Variants in ATXN2 observed in about 807,000 individuals in gnomAD.
ATXN2 encodes the protein ataxin 2.
Under a neutral mutation model 138.6 loss-of-function variants are expected in ATXN2, and 37 were observed. The observed-to-expected ratio is 0.27, with a 90% confidence interval of 0.21 to 0.35. The LOEUF is 0.35. Ranked by LOEUF, ATXN2 falls within the 10% of genes least tolerant of loss-of-function variation. ATXN2 has a pLI of 1.00. For missense variants in ATXN2, 1,216 were observed against 1,480.3 expected (o/e 0.82, Z 2.93); for synonymous variants, 549 against 543.7 (o/e 1.01, Z -0.13).
intron 8 of ATXN2, 76 bp downstream of exon 8, chr12:111,519,803 A>G (rs1376411247): frequency 1.9e-6 from 3 of 1,600,666 alleles, no homozygotes; most frequent in African/African-American, 2.7e-5. Flanking sequence ...AAGAGGAAAT[A>G]TAATAACAAT....
chr12:111,588,245 A>C (rs1038662164), intron 1 of ATXN2, among the ~76,000 whole-genome samples: 2 of 151,694 alleles, frequency 1.3e-5, no homozygotes, highest in African/African-American at 4.9e-5. Flanking sequence ...TTGTAAAGTC[A>C]CTTGACACAA....
intron 18 of ATXN2, among the ~76,000 whole-genome samples, chr12:111,476,461 A>C (rs577750883): frequency 1.1e-3 from 165 of 143,914 alleles, no homozygotes; most frequent in Non-Finnish European, 2.1e-3. Context: ...ACAATAAGAC[A>C]AAAAAAAAAA....
Position 111,495,178 on chromosome 12 carries a change from G to A in ATXN2, c.1936-6398C>T, listed in dbSNP as rs532003273. On this transcript the variant is annotated intron_variant, in intron 14 of 24. Transcript: ENST00000673436. ...AAAAATTTAGCTGGGCTTGGTGGCA[G>A]GCGCCTGTAATCCCAGCTACTTGGG... Among the ~76,000 whole-genome samples the A allele has an allele frequency of 2.8e-3, 420 of 151,974 alleles. 4 individuals are homozygous for A. Among genetic ancestry groups the A allele is most frequent in the African/African-American group, 9.6e-3 (397 of 41,480 alleles).
rs987712856 is a variant in ATXN2 at position 111,467,134 on chromosome 12, T to G, written c.2843-2419A>C. Among the ~76,000 whole-genome samples the G allele has an allele frequency of 2.6e-5, 4 of 151,906 alleles. No individual in the cohort carries two copies. The South Asian group carries it at 8.3e-4, about 32-fold the overall frequency. On this transcript the variant is annotated intron_variant, in intron 20 of 24. Coordinates refer to ENST00000673436, the MANE Select transcript of ATXN2 (RefSeq NM_001372574.1). ...ATGATGGCATAGAACAAAACAATTC[T>G]TTCTTATGTTTTCTTTTTTTTAAAT...
At chr12:111,597,108 T>C (rs1048315862) in intron 1 of ATXN2, among the ~76,000 whole-genome samples, 6 of 146,170 alleles carry the variant, frequency 4.1e-5, no homozygotes, top group African/African-American at 1.5e-4. Flanking sequence ...TCATCTGAAC[T>C]AGTTTGGCTA....
intron 18 of ATXN2, among the ~76,000 whole-genome samples, chr12:111,478,043 A>G (rs2135685611): frequency 6.6e-6 from 1 of 151,778 alleles, no homozygotes; most frequent in South Asian, 2.1e-4. Context: ...TGATCCATCC[A>G]GGTTGGCCTC....
At chr12:111,480,976 T>C (rs1877185946) in intron 18 of ATXN2, among the ~76,000 whole-genome samples, 1 of 152,008 alleles carries the variant, frequency 6.6e-6, no homozygotes, top group African/African-American at 2.4e-5. Flanking sequence ...TCATCAAAAT[T>C]AAAAACTGTG....
At position 111,453,504 on chromosome 12, in the gene ATXN2, G is replaced by A. The variant is rs952510421; in HGVS notation, c.3439+173C>T. ...ACACACACAGACTCGGCTCCCGGAA[G>A]CCTCAGGCCCTGATGCTGAACTGAT... On this transcript the variant is annotated intron_variant, in intron 24 of 24. Transcript: ENST00000673436. This position sits in a 1 kb window ranked among gnomAD's most constrained non-coding sequence, Gnocchi z 5.4. 97 of 1,338,676 alleles carry A rather than the reference G, an allele frequency of 7.2e-5. No individual in the cohort carries two copies. Among genetic ancestry groups the A allele is most frequent in the Non-Finnish European group, 8.6e-5 (90 of 1,048,210 alleles). The allele number at this position is 1,338,676 out of a possible 1,614,324, so 82.9% of individuals were successfully genotyped here.
intron 3 of ATXN2, 134 bp from the exon 4 acceptor site, chr12:111,553,111 A>C: frequency 2.0e-6 from 1 of 489,832 alleles, no homozygotes; most frequent in East Asian, 3.5e-5. Flanking sequence ...ACAATAAAAA[A>C]ATTTCAAAAC....
chr12:111,531,999 T>C (rs913446643), intron 5 of ATXN2, among the ~76,000 whole-genome samples: 13 of 152,248 alleles, frequency 8.5e-5, no homozygotes, highest in African/African-American at 2.9e-4. Flanking sequence ...GCATTAAATA[T>C]TAAGATCCAG....
At chr12:111,591,014 G>A (rs1036688766) in intron 1 of ATXN2, among the ~76,000 whole-genome samples, 4 of 151,410 alleles carry the variant, frequency 2.6e-5, no homozygotes, top group Admixed American at 6.6e-5. Flanking sequence ...CTCGGCCTCC[G>A]GAGTAGCTGT....
intron 14 of ATXN2, among the ~76,000 whole-genome samples, chr12:111,498,374 A>AT (rs1317308861): frequency 6.6e-6 from 1 of 152,226 alleles, no homozygotes; most frequent in East Asian, 1.9e-4. Flanking sequence ...ATTCAGTAAA[A>AT]TTGCAGGATA....
chr12:111,482,755 C>CAA (rs1437367666), intron 18 of ATXN2: 1 of 150,550 alleles, frequency 6.6e-6, no homozygotes, highest in Non-Finnish European at 1.5e-5. Flanking sequence ...TAAAGGCCCT[C>CAA]AAAATAAGAT....
At chr12:111,510,864 T>TTAAA (rs1314875754) in intron 11 of ATXN2, 2 of 212,174 alleles carry the variant, frequency 9.4e-6, no homozygotes, top group Non-Finnish European at 1.9e-5. Flanking sequence ...GTAGCTGGGA[T>TTAAA]TAAAGGCACT....
rs889637881 is a variant in ATXN2, at chr12:111,552,022, C to T, written c.571+258G>A. Among the ~76,000 whole-genome samples the T allele has an allele frequency of 3.3e-5, 5 of 151,606 alleles. No individual in the cohort carries two copies. The highest frequency in any genetic ancestry group is 1.9e-4 in the East Asian group (1 of 5,184). On this transcript the variant is annotated intron_variant, in intron 5 of 24. Transcript: ENST00000673436. This position sits in a 1 kb window ranked among gnomAD's most constrained non-coding sequence, Gnocchi z 4.1. ...CCTCCCTAGTAGCTAGGACTATAGG[C>T]GCACGCCACCACACACAAAAATAAA...
At chr12:111,567,360 C>T (rs1017869696) in intron 1 of ATXN2, among the ~76,000 whole-genome samples, 5 of 151,528 alleles carry the variant, frequency 3.3e-5, no homozygotes, top group African/African-American at 7.3e-5. Context: ...ATTAGCCTGG[C>T]GTGGTGGCAT....
intron 1 of ATXN2, among the ~76,000 whole-genome samples, chr12:111,561,936 C>A (rs1056216252): frequency 6.6e-6 from 1 of 151,662 alleles, no homozygotes; most frequent in South Asian, 2.1e-4. Context: ...CTCAGCCTCC[C>A]GAGTAGCTGG....
At chr12:111,512,085 C>G (rs937921441) in intron 11 of ATXN2, 1 of 152,060 alleles carries the variant, frequency 6.6e-6, no homozygotes, top group Non-Finnish European at 1.5e-5. Flanking sequence ...ATTCTCCTGC[C>G]TCAGCCTCTC....
chr12:111,548,935 C>A (rs596831), intron 5 of ATXN2, among the ~76,000 whole-genome samples: 1 of 151,914 alleles, frequency 6.6e-6, no homozygotes, highest in African/African-American at 2.4e-5. Flanking sequence ...GTTGGCCAGG[C>A]TGGTCTCGAA....
Sources: allele counts gnomAD v4.1 joint callset (sites outside exome capture counted in the v4.1 genomes callset), GRCh38; gene constraint gnomAD v4.1.1; non-coding constraint Gnocchi (gnomAD v3.1); transcripts MANE v1.5; gene names NCBI Gene and HGNC (gene_info 2026-07-23, HGNC 2026-07-21).